LRRC56: variants seen among roughly 807,000 people sequenced by gnomAD.
LRRC56 encodes the protein leucine rich repeat containing 56, also known as leucine-rich repeat-containing protein 56.
In LRRC56, 41 loss-of-function variants were observed where a neutral mutation model predicts 47.8. The observed-to-expected ratio is 0.86, with a 90% confidence interval of 0.67 to 1.11. The LOEUF is 1.11. LRRC56 is among the 50% of genes most tolerant of loss of function. The pLI is 0.00. For missense variants in LRRC56, 759 were observed against 704.2 expected (o/e 1.08, Z -0.88); for synonymous variants, 387 against 311.2 (o/e 1.24, Z -2.56).
At chr11:522,813 A>G in the LRRC56 span, among the ~76,000 whole-genome samples, 4 of 152,116 alleles carry the variant, frequency 2.6e-5, no homozygotes, top group Non-Finnish European at 1.5e-5. Flanking sequence ...CAGTGGCGCA[A>G]TCTCGGCTCA....
chr11:551,436 C>T (rs1852382663), intron 9 of LRRC56, 134 bp downstream of exon 9: 1 of 787,158 alleles, frequency 1.3e-6, no homozygotes, highest in Non-Finnish European at 2.0e-6. Context: ...GTCCCCAGAG[C>T]TGTGCACACC....
At chr11:506,829 C>G in the LRRC56 span, 5 of 152,318 alleles carry the variant, frequency 3.3e-5, no homozygotes, top group Non-Finnish European at 4.4e-5. Context: ...GCCCCGCGCC[C>G]CGGGCAAGGA....
Position 541,391 on chromosome 11 carries a change from C to A in LRRC56, c.178-146C>A. 1 of 464,316 alleles carries A rather than the reference C, an allele frequency of 2.2e-6. No homozygotes were observed. Among genetic ancestry groups the A allele is most frequent in the Non-Finnish European group, 3.8e-6 (1 of 262,590 alleles). The allele number at this position is 464,316 out of a possible 1,614,324, so 28.8% of individuals were successfully genotyped here. On this transcript the variant is annotated intron_variant, in intron 4 of 13. Coordinates refer to ENST00000270115, the MANE Select transcript of LRRC56 (RefSeq NM_198075.4). This position sits in a 1 kb window ranked among gnomAD's most constrained non-coding sequence, Gnocchi z 4.1. ...CCTGTCACATCCACTCCCATCCCACCACCCAGGCCAGGGCCAACATGGCCC... is the reference window on the plus strand; with the variant it reads ...CCTGTCACATCCACTCCCATCCCACAACCCAGGCCAGGGCCAACATGGCCC...
At chr11:516,960 C>T in the LRRC56 span, among the ~76,000 whole-genome samples, 1 of 152,218 alleles carries the variant, frequency 6.6e-6, no homozygotes, top group African/African-American at 2.4e-5. Flanking sequence ...CATGGTTCTC[C>T]TGCCTCGGCC....
upstream of LRRC56, chr11:534,004 G>T (rs1851293135): frequency 3.2e-6 from 5 of 1,556,516 alleles, no homozygotes; most frequent in Non-Finnish European, 4.4e-6. Flanking sequence ...AGTTCACACA[G>T]CCAGCCTCTC....
At chr11:545,583 A>T (rs1852030437) in intron 6 of LRRC56, among the ~76,000 whole-genome samples, 1 of 152,110 alleles carries the variant, frequency 6.6e-6, no homozygotes, top group Admixed American at 6.5e-5. Context: ...CGGGAGAGGC[A>T]CAGCAGAGCC....
intron 6 of LRRC56, among the ~76,000 whole-genome samples, chr11:547,279 T>C (rs544358570): frequency 8.6e-5 from 13 of 150,652 alleles, no homozygotes; most frequent in Non-Finnish European, 1.8e-4. Flanking sequence ...GTGCCCCTAA[T>C]ACAAGAGTAA....
chr11:533,289 C>T (rs752854703), upstream of LRRC56: 16 of 1,595,722 alleles, frequency 1.0e-5, no homozygotes, highest in Admixed American at 8.5e-5. Context: ...CGCGAGGGGC[C>T]GCTGGGTCAC....
In LRRC56 at chr11:547,211, G is replaced by A. The variant is rs528281984; in HGVS notation, c.326+2431G>A. On this transcript the variant is annotated intron_variant, in intron 6 of 13. Coordinates refer to ENST00000270115, the MANE Select transcript of LRRC56 (RefSeq NM_198075.4). Reference sequence around the variant, plus strand: ...CGCGCCACTGCACTCCAGCCTGGGTGACAGAGCAAGACTCCGTCTCAAAAA... The same window carrying A: ...CGCGCCACTGCACTCCAGCCTGGGTAACAGAGCAAGACTCCGTCTCAAAAA... 2.2e-4 allele frequency among the ~76,000 whole-genome samples: 34 copies of A among 151,830 alleles called. No homozygotes were observed. The East Asian group carries it at 6.0e-3, about 27-fold the overall frequency.
At chr11:532,818 T>G (rs1438105837), upstream of LRRC56, 11 of 1,537,364 alleles carry the variant, frequency 7.2e-6, no homozygotes, top group Non-Finnish European at 9.8e-6. Flanking sequence ...GGTGAGGGGC[T>G]CCCTGCTGTG....
In LRRC56 at chr11:552,368, C is replaced by T. The variant is rs1039184064; in HGVS notation, c.1181+136C>T. The T allele has an allele frequency of 5.2e-6, 7 of 1,335,576 alleles. No homozygotes were observed. In the Admixed American group the frequency reaches 1.4e-4, roughly 26 times the overall value. 82.7% of individuals were successfully genotyped at this position (1,335,576 alleles called of 1,614,324 possible). ...TGCATGTCCTGTCCCGTGGGGGGATCAGGGCTGGGGCTACCTTGGCTGAGT... is the reference window on the plus strand; with the variant it reads ...TGCATGTCCTGTCCCGTGGGGGGATTAGGGCTGGGGCTACCTTGGCTGAGT... On this transcript the variant is annotated intron_variant, in intron 12 of 13. Coordinates refer to ENST00000270115, the MANE Select transcript of LRRC56 (RefSeq NM_198075.4).
the LRRC56 span, chr11:506,566 G>A: frequency 2.6e-5 from 4 of 152,218 alleles, no homozygotes; most frequent in East Asian, 1.9e-4. Flanking sequence ...ATGGAGAGCG[G>A]AGGACCCTCC....
rs547029197 is a variant in LRRC56 at position 538,418 on chromosome 11, C to T, written c.-421-180C>T. ...CTGCTGTGAGGCCTGGGGCCTTGCA[C>T]TGGCTGGAGAAAGGCAGGCAGTGGG... On this transcript the variant is annotated intron_variant, in intron 1 of 13. Transcript: ENST00000270115. 1.2e-3 allele frequency among the ~76,000 whole-genome samples: 188 copies of T among 152,188 alleles called. 1 individual carries two copies. Among genetic ancestry groups the T allele is most frequent in the Admixed American group, 5.1e-3 (78 of 15,302 alleles).
chr11:547,024 T>A (rs2134047050), intron 6 of LRRC56, among the ~76,000 whole-genome samples: 1 of 151,478 alleles, frequency 6.6e-6, no homozygotes, highest in East Asian at 2.0e-4. Context: ...TCCATTGCAC[T>A]CCAGCCTAGG....
chr11:513,148 G>GTT, the LRRC56 span, among the ~76,000 whole-genome samples: 1 of 152,228 alleles, frequency 6.6e-6, no homozygotes, highest in African/African-American at 2.4e-5. Flanking sequence ...GTTTTGTTTT[G>GTT]TTTTTCTTTC....
At position 550,059 on chromosome 11, in the gene LRRC56, C is replaced by G. The variant is rs949227301; in HGVS notation, c.424-13C>G. ...CTGGGCCGGGCCCTGGCTCAGAGCC[C>G]CGCGCTGCCCAGGAACTCTACGCCT... On this transcript the variant is annotated splice_polypyrimidine_tract_variant and intron_variant, in intron 7 of 13. Transcript: ENST00000270115. 1 of 1,611,278 alleles carries G rather than the reference C, an allele frequency of 6.2e-7. No homozygotes were observed. The highest frequency in any genetic ancestry group is 8.5e-7 in the Non-Finnish European group (1 of 1,178,530).
upstream of LRRC56, chr11:533,200 C>T (rs545280222): frequency 3.7e-5 from 48 of 1,289,880 alleles, no homozygotes; most frequent in East Asian, 5.0e-5. Flanking sequence ...GGAGCTGTGT[C>T]GGCCCAGGAC....
At chr11:545,260 CT>C (rs1164004779) in intron 6 of LRRC56, among the ~76,000 whole-genome samples, 1 of 152,236 alleles carries the variant, frequency 6.6e-6, no homozygotes, top group Non-Finnish European at 1.5e-5. Context: ...AAAGGTGCCC[CT>C]GACCTGGGCC....
rs1851574096 is a variant in LRRC56 at position 537,556 on chromosome 11, G to A, written c.-471G>A. ...TAGGAGACAGCGCCTGGAGGTGGAG[G>A]GCGCCCAGGGCCGAGCTGCCAGGGC... On this transcript the variant is annotated 5_prime_UTR_variant, in exon 1 of 14. Coordinates refer to ENST00000270115, the MANE Select transcript of LRRC56 (RefSeq NM_198075.4). 1 of 152,306 alleles carries A rather than the reference G, an allele frequency of 6.6e-6. No homozygotes were observed. Among genetic ancestry groups the A allele is most frequent in the South Asian group, 2.1e-4 (1 of 4,832 alleles). The allele number at this position is 152,306 out of a possible 1,614,324, so 9.4% of individuals were successfully genotyped here. A position where few individuals can be genotyped will look rare whatever the true frequency, so the allele number is the denominator to read the frequency against.
Sources: gnomAD v4.1 joint callset for allele counts (sites outside exome capture counted in the v4.1 genomes callset) on GRCh38, gnomAD v4.1.1 for gene constraint, Gnocchi (gnomAD v3.1) non-coding constraint, MANE v1.5 for transcripts, NCBI Gene and HGNC (gene_info 2026-07-23, HGNC 2026-07-21) for gene names.